Variants in STX8 observed in about 807,000 individuals in gnomAD.
The protein encoded by STX8 is syntaxin-8.
STX8 carries 23 observed loss-of-function variants against 37.5 expected under a neutral mutation model. That is an observed-to-expected ratio of 0.61 (90% CI 0.44 to 0.87). The LOEUF (loss-of-function observed/expected upper bound fraction) is 0.87. Ranked by LOEUF, STX8 falls within the 40% of genes least tolerant of loss-of-function variation. The probability of loss-of-function intolerance (pLI) is 0.00; values close to 1 mark genes in which losing one functional copy is unlikely to be tolerated. For missense variants in STX8, 313 were observed against 284.7 expected, an observed-to-expected ratio of 1.10 and a Z score of -0.71; for synonymous variants, 115 against 99.1, an observed-to-expected ratio of 1.16 and a Z score of -0.95.
intron 6 of STX8, among the ~76,000 whole-genome samples, chr17:9,425,990 ACTGT>A (rs1408380014): frequency 1.3e-5 from 2 of 152,062 alleles, no homozygotes; most frequent in East Asian, 3.9e-4. Flanking sequence ...TCCTATAATA[ACTGT>A]CTCTCTCTTC....
chr17:9,351,409 G>A (rs111740901), intron 7 of STX8, among the ~76,000 whole-genome samples: 7,043 of 151,776 alleles, frequency 0.046, 384 homozygotes, highest in African/African-American at 0.14. Flanking sequence ...TGCCCGCCTC[G>A]GCCTCCCAAA....
intron 4 of STX8, among the ~76,000 whole-genome samples, chr17:9,521,617 C>T (rs182303685): frequency 2.2e-4 from 33 of 152,314 alleles, no homozygotes; most frequent in South Asian, 1.9e-3. Flanking sequence ...CTGACAAACA[C>T]TGAATATCTT....
chr17:9,354,106 C>A, intron 7 of STX8, among the ~76,000 whole-genome samples: 1 of 152,204 alleles, frequency 6.6e-6, no homozygotes, highest in East Asian at 1.9e-4. Flanking sequence ...ATTACACAGT[C>A]ACCTTCTCTT....
At chr17:9,456,003 C>T (rs781632200) in intron 6 of STX8, among the ~76,000 whole-genome samples, 2 of 152,090 alleles carry the variant, frequency 1.3e-5, no homozygotes, top group Non-Finnish European at 2.9e-5. Flanking sequence ...AATTTACTCT[C>T]CCAGCACACC....
At chr17:9,485,642 G>A (rs1744979804) in intron 6 of STX8, among the ~76,000 whole-genome samples, 1 of 150,928 alleles carries the variant, frequency 6.6e-6, no homozygotes, top group Non-Finnish European at 1.5e-5. Context: ...CTGGAGTGCA[G>A]TGGCGTGATC....
At chr17:9,567,153 G>A (rs1356496868) in intron 2 of STX8, among the ~76,000 whole-genome samples, 1 of 152,178 alleles carries the variant, frequency 6.6e-6, no homozygotes, top group Non-Finnish European at 1.5e-5. Context: ...GCCTAGCAGA[G>A]GGAGGAAGCT....
At chr17:9,266,314 A>G (rs941423253) in intron 7 of STX8, among the ~76,000 whole-genome samples, 2 of 152,164 alleles carry the variant, frequency 1.3e-5, no homozygotes, top group African/African-American at 4.8e-5. Flanking sequence ...GTCTGTGAGG[A>G]CATGGGGTCC....
chr17:9,524,347 G>C (rs570044025), intron 4 of STX8, among the ~76,000 whole-genome samples: 52 of 152,298 alleles, frequency 3.4e-4, no homozygotes, highest in Admixed American at 9.2e-4. Context: ...CAAGAGCATG[G>C]CATAAGCAGA....
At chr17:9,518,360 T>A (rs1567594500) in intron 4 of STX8, among the ~76,000 whole-genome samples, 1 of 152,048 alleles carries the variant, frequency 6.6e-6, no homozygotes, top group Non-Finnish European at 1.5e-5. Context: ...ACAGCTAAGC[T>A]TATTATCCCC....
At chr17:9,423,530 T>C (rs1327719360) in intron 6 of STX8, among the ~76,000 whole-genome samples, 1 of 152,170 alleles carries the variant, frequency 6.6e-6, no homozygotes, top group African/African-American at 2.4e-5. Context: ...TTCACCATGT[T>C]GTTAAGGCTG....
chr17:9,485,408 A>G (rs1285481825), intron 6 of STX8, among the ~76,000 whole-genome samples: 1 of 152,128 alleles, frequency 6.6e-6, no homozygotes, highest in Non-Finnish European at 1.5e-5. Context: ...ACATATATAC[A>G]CATACCTATT....
chr17:9,335,016 C>T (rs895394716), intron 7 of STX8, among the ~76,000 whole-genome samples: 3 of 152,216 alleles, frequency 2.0e-5, no homozygotes, highest in Admixed American at 1.3e-4. Context: ...TTCCTGGTCA[C>T]CGCTTCGATC....
At chr17:9,442,910 G>A (rs1401411100) in intron 6 of STX8, among the ~76,000 whole-genome samples, 1 of 152,154 alleles carries the variant, frequency 6.6e-6, no homozygotes, top group African/African-American at 2.4e-5. Context: ...TTAGAGAGGG[G>A]AGTCAGTCAG....
intron 6 of STX8, among the ~76,000 whole-genome samples, chr17:9,382,435 TTC>T (rs1297357081): frequency 7.9e-5 from 12 of 152,240 alleles, no homozygotes; most frequent in Admixed American, 5.9e-4. Flanking sequence ...AAGATTTTTT[TTC>T]TTTTTTAAAT....
intron 6 of STX8, among the ~76,000 whole-genome samples, chr17:9,478,309 T>C (rs1405381590): frequency 1.3e-5 from 2 of 152,166 alleles, no homozygotes; most frequent in Non-Finnish European, 2.9e-5. Context: ...CTAATTTTTG[T>C]ATTTTTAGTA....
chr17:9,389,731 T>C (rs1382314819), intron 6 of STX8, among the ~76,000 whole-genome samples: 2 of 152,012 alleles, frequency 1.3e-5, no homozygotes, highest in East Asian at 3.9e-4. Flanking sequence ...ATTATGCTTT[T>C]TGCTTATGTT....
chr17:9,523,899 C>CA (rs1200638379), intron 4 of STX8, among the ~76,000 whole-genome samples: 1 of 152,168 alleles, frequency 6.6e-6, no homozygotes, highest in African/African-American at 2.4e-5. Flanking sequence ...TTAAGAGTGT[C>CA]AATGAATAAT....
chr17:9,575,470 C>A (rs1415578624), intron 1 of STX8, among the ~76,000 whole-genome samples: 18 of 152,190 alleles, frequency 1.2e-4, no homozygotes, highest in Admixed American at 1.2e-3. Context: ...GGGAAGCCTG[C>A]ACCAGCCAGC....
chr17:9,433,035 C>G (rs900670881), intron 6 of STX8, among the ~76,000 whole-genome samples: 4 of 152,236 alleles, frequency 2.6e-5, no homozygotes, highest in African/African-American at 9.6e-5. Flanking sequence ...TAAGGCCACA[C>G]AGATATGGAT....
Sources: gnomAD v4.1 joint callset for allele counts (sites outside exome capture counted in the v4.1 genomes callset) on GRCh38, gnomAD v4.1.1 for gene constraint, MANE v1.5 for transcripts, NCBI Gene and HGNC (gene_info 2026-07-23, HGNC 2026-07-21) for gene names.